Variants in TNFSF15 observed in about 807,000 individuals in gnomAD.
TNFSF15 encodes TNF superfamily member 15, also known as tumor necrosis factor ligand superfamily member 15.
In TNFSF15, 15 loss-of-function variants were observed where a neutral mutation model predicts 26.4. The observed-to-expected ratio is 0.57, with a 90% CI of 0.38 to 0.87. TNFSF15 has a LOEUF of 0.87. Among genes scored for constraint, TNFSF15 ranks in the 40% least tolerant of loss-of-function variants. TNFSF15 has a pLI of 0.00. For synonymous variants in TNFSF15, 116 were observed against 115.0 expected (o/e 1.01, Z -0.06); for missense variants, 290 against 306.1 (o/e 0.95, Z 0.39).
In TNFSF15 at chr9:114,790,889, TG is replaced by T. The variant is rs1564344289; in HGVS notation, c.318del (p.Thr107HisfsTer17). The T allele has an allele frequency of 6.2e-7, 1 of 1,614,096 alleles. No individual in the cohort carries two copies. Among genetic ancestry groups the T allele is most frequent in the East Asian group, 2.2e-5 (1 of 44,878 alleles). On this transcript the variant is annotated frameshift_variant, in exon 4 of 4. Transcript: ENST00000374045. LOFTEE classifies it high-confidence loss of function. ...RAHLTVVRQT[P>X]TQHFKNQFPA... Reference sequence around the variant, plus strand: ...GGGAACTGATTTTTAAAGTGCTGTGTGGGAGTTTGTCTCACAACTGGAAAGA... The same window carrying T: ...GGGAACTGATTTTTAAAGTGCTGTGTGGAGTTTGTCTCACAACTGGAAAGA...
At chr9:114,793,925 C>A (rs977157190) in intron 1 of TNFSF15, among the ~76,000 whole-genome samples, 1 of 152,152 alleles carries the variant, frequency 6.6e-6, no homozygotes, top group Non-Finnish European at 1.5e-5. Context: ...CTTTCCTCTA[C>A]CATAATTTAA....
At position 114,792,655 on chromosome 9, in the gene TNFSF15, A is replaced by C. The variant is rs1587898653; in HGVS notation, c.254-201T>G. 4 of 1,269,174 alleles carry C rather than the reference A, an allele frequency of 3.2e-6. No homozygotes were observed. In the East Asian group the frequency reaches 1.0e-4, roughly 33 times the overall value. The allele number at this position is 1,269,174 out of a possible 1,614,324, so 78.6% of individuals were successfully genotyped here. ...CACCAAGGACAGGGTGACTCAGAAG[A>C]AAGAGTCTTGAACACAAATGAATCT... On this transcript the variant is annotated intron_variant, in intron 2 of 3. Coordinates refer to ENST00000374045, the MANE Select transcript of TNFSF15 (RefSeq NM_005118.4).
At position 114,790,221 on chromosome 9, in the gene TNFSF15, C is replaced by T; in HGVS notation, c.*231G>A. 1.4e-5 allele frequency: 6 copies of T among 433,666 alleles called. No homozygotes were observed. The East Asian group carries it at 1.8e-4, about 13-fold the overall frequency. 26.9% of individuals were successfully genotyped at this position (433,666 alleles called of 1,614,324 possible). On this transcript the variant is annotated 3_prime_UTR_variant, in exon 4 of 4. Coordinates refer to ENST00000374045, the MANE Select transcript of TNFSF15 (RefSeq NM_005118.4). ...TTAGAAACTCGCCAATCCTCCAACC[C>T]ATCTTAATAATATATTTGCTCTCTT...
At position 114,790,707 on chromosome 9, in the gene TNFSF15, T is replaced by G. The variant is rs1829583098; in HGVS notation, c.501A>C (p.Gln167His). 1 of 1,613,954 alleles carries G rather than the reference T, an allele frequency of 6.2e-7. No individual in the cohort carries two copies. Among genetic ancestry groups the G allele is most frequent in the African/African-American group, 1.3e-5 (1 of 74,878 alleles). The change falls in exon 4 of 4, where the codon CAA becomes CAC. Residue 167 changes from glutamine (Q) to histidine (H), a missense_variant. Physicochemically the swap from Gln to His is conservative, Grantham distance 24. Around this residue, in one of 3 missense-constraint regions of TNFSF15, gnomAD observed 102 missense variants for 114.7 expected, o/e 0.89. Coordinates refer to ENST00000374045, the MANE Select transcript of TNFSF15 (RefSeq NM_005118.4). ...GMTSECSEIRQAGRPNKPDSI... is the reference protein window; with the variant it reads ...GMTSECSEIRHAGRPNKPDSI... Reference sequence around the variant, plus strand: ...AGTCTGGCTTGTTTGGTCGGCCTGCTTGTCTGATTTCACTGCACTCAGAGG... The same window carrying G: ...AGTCTGGCTTGTTTGGTCGGCCTGCGTGTCTGATTTCACTGCACTCAGAGG...
chr9:114,802,857 A>G (rs1486950137), intron 1 of TNFSF15, among the ~76,000 whole-genome samples: 1 of 152,164 alleles, frequency 6.6e-6, no homozygotes. Context: ...GCCTGAATGC[A>G]CAGGGAAGGA....
chr9:114,800,446 C>T (rs553345769), intron 1 of TNFSF15, among the ~76,000 whole-genome samples: 7 of 152,242 alleles, frequency 4.6e-5, no homozygotes, highest in South Asian at 2.1e-4. Context: ...ATCCTCCTGC[C>T]TATCCCAGGA....
intron 1 of TNFSF15, among the ~76,000 whole-genome samples, chr9:114,798,007 A>G (rs1814265108): frequency 6.6e-6 from 1 of 152,230 alleles, no homozygotes; most frequent in African/African-American, 2.4e-5. Flanking sequence ...AAAGAGAGTC[A>G]GAGAGGGGGT....
intron 2 of TNFSF15, 75 bp from the exon 3 acceptor site, chr9:114,792,529 A>G (rs1302056386): frequency 1.2e-5 from 19 of 1,605,500 alleles, no homozygotes; most frequent in East Asian, 4.5e-5. Flanking sequence ...TGTGAGTTGC[A>G]TGGCGCCTAT....
rs371034974 is a variant in TNFSF15, at chr9:114,801,572, A to C, written c.210+4231T>G. On this transcript the variant is annotated intron_variant, in intron 1 of 3. Transcript: ENST00000374045. Reference sequence around the variant, plus strand: ...GGGGAAATTCCCTGGTCATAATAATAATAATTGTTAACATTTACTAATCCC... The same window carrying C: ...GGGGAAATTCCCTGGTCATAATAATCATAATTGTTAACATTTACTAATCCC... 2.6e-4 allele frequency among the ~76,000 whole-genome samples: 40 copies of C among 152,294 alleles called. No homozygotes were observed. In the South Asian group the frequency reaches 8.1e-3, roughly 31 times the overall value.
Position 114,790,446 on chromosome 9 carries a change from C to T in TNFSF15, c.*6G>A, listed in dbSNP as rs377427249. Reference sequence around the variant, plus strand: ...GGACTTTCATATAATGATATTTGCTCTCCTCCTATAGTAAGAAGGCTCCAA... The same window carrying T: ...GGACTTTCATATAATGATATTTGCTTTCCTCCTATAGTAAGAAGGCTCCAA... On this transcript the variant is annotated 3_prime_UTR_variant, in exon 4 of 4. Coordinates refer to ENST00000374045, the MANE Select transcript of TNFSF15 (RefSeq NM_005118.4). 1 of 1,570,362 alleles carries T rather than the reference C, an allele frequency of 6.4e-7. No individual in the cohort carries two copies. The highest frequency in any genetic ancestry group is 8.6e-7 in the Non-Finnish European group (1 of 1,157,890).
At position 114,786,428 on chromosome 9, in the gene TNFSF15, G is replaced by A. The variant is rs1829501299; in HGVS notation, c.*4024C>T. ...GCCGTGCCTTGTGCACAGTGAGTTA[G>A]TTAAACTTTTATAATCCAGGGGGAT... On this transcript the variant is annotated 3_prime_UTR_variant, in exon 4 of 4. Transcript: ENST00000374045. 1.3e-5 allele frequency: 2 copies of A among 152,204 alleles called. No individual in the cohort carries two copies. Among genetic ancestry groups the A allele is most frequent in the Non-Finnish European group, 1.5e-5 (1 of 68,038 alleles). 9.4% of individuals were successfully genotyped at this position (152,204 alleles called of 1,614,324 possible). A position where few individuals can be genotyped will look rare whatever the true frequency, so the allele number is the denominator to read the frequency against.
At chr9:114,797,416 GACTCTTTCTCCAAGAACAACA>G (rs1829685515) in intron 1 of TNFSF15, among the ~76,000 whole-genome samples, 2 of 152,212 alleles carry the variant, frequency 1.3e-5, no homozygotes, top group Admixed American at 1.3e-4. Context: ...CGTCATTTGA[GACTCTTTCTCCAAGAACAACA>G]TCTAAACCTT....
At position 114,787,075 on chromosome 9, in the gene TNFSF15, G is replaced by T. The variant is rs999843816; in HGVS notation, c.*3377C>A. On this transcript the variant is annotated 3_prime_UTR_variant, in exon 4 of 4. Transcript: ENST00000374045. The stretch of plus-strand genomic sequence containing the variant: ...GAACACAGATTTTCAAAGCATTTCT[G>T]GGTCATCCATAAAATTCTAATATTT... The T allele has an allele frequency of 6.6e-6, 1 of 151,972 alleles. No individual in the cohort carries two copies. The highest frequency in any genetic ancestry group is 1.5e-5 in the Non-Finnish European group (1 of 67,994). The allele number at this position is 151,972 out of a possible 1,614,324, so 9.4% of individuals were successfully genotyped here.
rs1242813530 is a variant in TNFSF15 at position 114,806,016 on chromosome 9, C to T, written c.-4G>A. 1.2e-6 allele frequency: 2 copies of T among 1,613,116 alleles called. No individual in the cohort carries two copies. The highest frequency in any genetic ancestry group is 1.7e-5 in the Admixed American group (1 of 59,992). On this transcript the variant is annotated 5_prime_UTR_variant, in exon 1 of 4. Coordinates refer to ENST00000374045, the MANE Select transcript of TNFSF15 (RefSeq NM_005118.4). ...TCAGTCCCAGATCCTCGGCCATGCT[C>T]CTGCTGCTCCTGGAGGCACCTCTGA...
In TNFSF15 at chr9:114,790,199, G is replaced by C; in HGVS notation, c.*253C>G. The C allele has an allele frequency of 2.7e-6, 1 of 371,966 alleles. No homozygotes were observed. The highest frequency in any genetic ancestry group is 4.8e-6 in the Non-Finnish European group (1 of 206,578). 23.0% of individuals were successfully genotyped at this position (371,966 alleles called of 1,614,324 possible). ...TTAGTGATCAGTGTCTTAATATTTA[G>C]AAACTCGCCAATCCTCCAACCCATC... On this transcript the variant is annotated 3_prime_UTR_variant, in exon 4 of 4. Transcript: ENST00000374045.
At chr9:114,801,152 C>T (rs1829742194) in intron 1 of TNFSF15, among the ~76,000 whole-genome samples, 1 of 152,130 alleles carries the variant, frequency 6.6e-6, no homozygotes, top group Non-Finnish European at 1.5e-5. Context: ...TACTGAGTGC[C>T]ACTGCTGGGC....
chr9:114,800,439 C>G (rs958903297), intron 1 of TNFSF15, among the ~76,000 whole-genome samples: 4 of 152,122 alleles, frequency 2.6e-5, no homozygotes, highest in African/African-American at 9.7e-5. Flanking sequence ...TAGTTAAATC[C>G]TCCTGCCTAT....
rs1259182368 is a variant in TNFSF15, at chr9:114,785,758, T to C, written c.*4694A>G. The C allele has an allele frequency of 1.3e-5, 2 of 152,246 alleles. No individual in the cohort carries two copies. The highest frequency in any genetic ancestry group is 4.8e-5 in the African/African-American group (2 of 41,460). The allele number at this position is 152,246 out of a possible 1,614,324, so 9.4% of individuals were successfully genotyped here. A position where few individuals can be genotyped will look rare whatever the true frequency, so the allele number is the denominator to read the frequency against. ...GTAGAAGTCTCCTCCCACTTCCATGTTGTCCTACAGGTGTTTGAAAATACT... is the reference window on the plus strand; with the variant it reads ...GTAGAAGTCTCCTCCCACTTCCATGCTGTCCTACAGGTGTTTGAAAATACT... On this transcript the variant is annotated 3_prime_UTR_variant, in exon 4 of 4. Transcript: ENST00000374045.
intron 2 of TNFSF15, 129 bp downstream of exon 2, chr9:114,793,397 C>T (rs1375610490): frequency 4.6e-6 from 5 of 1,090,696 alleles, no homozygotes; most frequent in Non-Finnish European, 6.8e-6. Flanking sequence ...CCTCATTTCT[C>T]CTCTGGATTT....
Sources: gnomAD v4.1 joint callset for allele counts (sites outside exome capture counted in the v4.1 genomes callset) on GRCh38, gnomAD v4.1.1 for gene constraint, gnomAD v4.1.1 regional missense constraint, MANE v1.5 for transcripts, NCBI Gene and HGNC (gene_info 2026-07-23, HGNC 2026-07-21) for gene names.